CDIN1: variants seen among roughly 807,000 people sequenced by gnomAD.
The protein encoded by CDIN1 is CDAN1-interacting nuclease 1.
In CDIN1, 33 loss-of-function variants were observed where a neutral mutation model predicts 45.3. The observed-to-expected ratio is 0.73, with a 90% CI of 0.55 to 0.97. The LOEUF (loss-of-function observed/expected upper bound fraction) is 0.97. Ranked by LOEUF, CDIN1 falls within the 50% of genes least tolerant of loss-of-function variation. The pLI, the probability that CDIN1 is intolerant of heterozygous loss-of-function variation, is 0.00. For missense variants in CDIN1, 303 were observed against 339.4 expected (o/e 0.89, Z 0.84); for synonymous variants, 118 against 124.4 (o/e 0.95, Z 0.34).
At chr15:36,600,259 T>G (rs577344109) in intron 1 of CDIN1, among the ~76,000 whole-genome samples, 1 of 152,284 alleles carries the variant, frequency 6.6e-6, no homozygotes, top group South Asian at 2.1e-4. Flanking sequence ...TGGAAGTGTT[T>G]AAAAGAAAAC....
intron 8 of CDIN1, 153 bp from the exon 9 acceptor site, chr15:36,709,070 G>A: frequency 2.0e-6 from 1 of 488,850 alleles, no homozygotes; most frequent in Non-Finnish European, 3.5e-6. Context: ...TGTTCAGAAA[G>A]TTCATTATTT....
intron 10 of CDIN1, among the ~76,000 whole-genome samples, chr15:36,733,832 G>A (rs538170262): frequency 5.9e-5 from 9 of 152,246 alleles, no homozygotes; most frequent in Admixed American, 6.5e-5. Context: ...GCATTCAAGC[G>A]TGGTTTCAAG....
At chr15:36,719,425 A>G (rs1173791416) in intron 10 of CDIN1, among the ~76,000 whole-genome samples, 1 of 152,106 alleles carries the variant, frequency 6.6e-6, no homozygotes, top group Non-Finnish European at 1.5e-5. Flanking sequence ...ATTAATACTG[A>G]TTGATATTTT....
At chr15:36,718,129 C>T (rs945647860) in intron 10 of CDIN1, among the ~76,000 whole-genome samples, 3 of 151,896 alleles carry the variant, frequency 2.0e-5, no homozygotes, top group Admixed American at 6.6e-5. Context: ...TGAGAAGACT[C>T]TTTTTTCTCC....
At chr15:36,782,530 A>G (rs2054378749) in intron 10 of CDIN1, among the ~76,000 whole-genome samples, 1 of 152,208 alleles carries the variant, frequency 6.6e-6, no homozygotes, top group Admixed American at 6.5e-5. Context: ...GACAAGTTCA[A>G]GTTGCAAGCA....
chr15:36,779,421 T>A (rs1219547196), intron 10 of CDIN1, among the ~76,000 whole-genome samples: 1 of 152,132 alleles, frequency 6.6e-6, no homozygotes, highest in African/African-American at 2.4e-5. Flanking sequence ...TACAGAAAAC[T>A]TTTCCTGGAG....
At chr15:36,703,217 C>G (rs971077412) in intron 8 of CDIN1, among the ~76,000 whole-genome samples, 3 of 38,130 alleles carry the variant, frequency 7.9e-5, no homozygotes, top group Non-Finnish European at 1.3e-4. Context: ...GACCCTGTCT[C>G]AAATATATAT....
chr15:36,698,597 T>C (rs1368785486), intron 8 of CDIN1, among the ~76,000 whole-genome samples: 1 of 152,188 alleles, frequency 6.6e-6, no homozygotes, highest in African/African-American at 2.4e-5. Context: ...CTATGAGATA[T>C]GTTTTGGAAC....
At chr15:36,789,435 C>T (rs191612925) in intron 10 of CDIN1, among the ~76,000 whole-genome samples, 5 of 152,262 alleles carry the variant, frequency 3.3e-5, no homozygotes, top group Admixed American at 2.0e-4. Flanking sequence ...AATATATATA[C>T]TCTAAATCTT....
chr15:36,597,657 G>A (rs919312480), intron 1 of CDIN1, among the ~76,000 whole-genome samples: 2 of 151,922 alleles, frequency 1.3e-5, no homozygotes, highest in East Asian at 1.9e-4. Flanking sequence ...CCTTTCTGAC[G>A]GTGCAGTATG....
intron 1 of CDIN1, among the ~76,000 whole-genome samples, chr15:36,611,737 A>G (rs2038659503): frequency 6.6e-6 from 1 of 152,228 alleles, no homozygotes; most frequent in Admixed American, 6.5e-5. Flanking sequence ...GTCTTGAACT[A>G]AAAACATCAG....
intron 10 of CDIN1, among the ~76,000 whole-genome samples, chr15:36,720,783 G>GTA (rs1246929434): frequency 6.6e-6 from 1 of 152,104 alleles, no homozygotes; most frequent in African/African-American, 2.4e-5. Context: ...AACCCTTTGG[G>GTA]TATATACCCA....
chr15:36,582,301 C>T (rs1448599753), intron 1 of CDIN1, among the ~76,000 whole-genome samples: 1 of 152,192 alleles, frequency 6.6e-6, no homozygotes, highest in Non-Finnish European at 1.5e-5. Flanking sequence ...GGGAGGCAAC[C>T]ATCATACTTT....
intron 5 of CDIN1, among the ~76,000 whole-genome samples, chr15:36,661,921 C>A (rs2041031117): frequency 6.6e-6 from 1 of 152,096 alleles, no homozygotes; most frequent in Admixed American, 6.5e-5. Flanking sequence ...AATGTTCAGT[C>A]CTTTTATGAA....
At chr15:36,695,783 G>A (rs1237270587) in intron 7 of CDIN1, among the ~76,000 whole-genome samples, 3 of 151,868 alleles carry the variant, frequency 2.0e-5, no homozygotes, top group Admixed American at 6.6e-5. Context: ...GGAGACAGAG[G>A]TTGCAGTGAG....
intron 10 of CDIN1, among the ~76,000 whole-genome samples, chr15:36,773,345 C>G (rs1296295217): frequency 6.6e-6 from 1 of 152,226 alleles, no homozygotes; most frequent in Non-Finnish European, 1.5e-5. Context: ...TGGTTTATAT[C>G]TGTACTGTCT....
intron 1 of CDIN1, chr15:36,617,874 AG>A: frequency 1.3e-6 from 1 of 774,342 alleles, no homozygotes; most frequent in Non-Finnish European, 2.4e-6. Context: ...AAAACATTTC[AG>A]GGCAAGCCAA....
chr15:36,654,266 A>G, intron 4 of CDIN1, 108 bp downstream of exon 4: 1 of 842,396 alleles, frequency 1.2e-6, no homozygotes, highest in East Asian at 2.7e-5. Context: ...AAAGGATTTG[A>G]GGTGCATTAG....
intron 1 of CDIN1, among the ~76,000 whole-genome samples, chr15:36,634,797 A>G (rs532548245): frequency 2.6e-5 from 4 of 152,340 alleles, no homozygotes; most frequent in African/African-American, 7.2e-5. Context: ...CCTAAAGTCC[A>G]GTTAATGATA....
Sources: allele counts gnomAD v4.1 joint callset (sites outside exome capture counted in the v4.1 genomes callset), GRCh38; gene constraint gnomAD v4.1.1; transcripts MANE v1.5; gene names NCBI Gene and HGNC (gene_info 2026-07-23, HGNC 2026-07-21).